ELOVL6: variants seen among roughly 807,000 people sequenced by gnomAD.
ELOVL6 encodes the protein ELOVL fatty acid elongase 6, also known as very long chain fatty acid elongase 6.
Under a neutral mutation model 31.7 loss-of-function variants are expected in ELOVL6, and 8 were observed. The ratio of observed to expected loss-of-function variants is 0.25; its 90% CI spans 0.15 to 0.45. The LOEUF (loss-of-function observed/expected upper bound fraction) is 0.45, where lower values mean the gene tolerates loss of function less well. Ranked by LOEUF, ELOVL6 falls within the 20% of genes least tolerant of loss-of-function variation. The pLI is 1.00. For missense variants in ELOVL6, 126 were observed against 326.4 expected (o/e 0.39, Z 4.73); for synonymous variants, 101 against 117.7 (o/e 0.86, Z 0.92).
intron 2 of ELOVL6, among the ~76,000 whole-genome samples, chr4:110,061,698 A>C (rs1200828875): frequency 6.6e-6 from 1 of 151,760 alleles, no homozygotes; most frequent in Non-Finnish European, 1.5e-5. Context: ...CTGGGACTAC[A>C]GGCATGCACC....
intron 2 of ELOVL6, among the ~76,000 whole-genome samples, chr4:110,098,170 T>C (rs1756643366): frequency 6.6e-6 from 1 of 151,804 alleles, no homozygotes; most frequent in Admixed American, 6.6e-5. Flanking sequence ...TCCAGCAAAA[T>C]ATACACACTT....
intron 2 of ELOVL6, among the ~76,000 whole-genome samples, chr4:110,081,596 G>C (rs1755853640): frequency 6.6e-6 from 1 of 151,192 alleles, no homozygotes; most frequent in South Asian, 2.1e-4. Flanking sequence ...ATTAATTCAA[G>C]ATGGATTAAA....
At chr4:110,124,070 C>A (rs1174144581) in intron 1 of ELOVL6, among the ~76,000 whole-genome samples, 1 of 152,126 alleles carries the variant, frequency 6.6e-6, no homozygotes, top group South Asian at 2.1e-4. Context: ...TTAGAAGGTA[C>A]CACGGTAAAG....
intron 2 of ELOVL6, among the ~76,000 whole-genome samples, chr4:110,088,176 C>T (rs746402146): frequency 2.1e-4 from 32 of 152,166 alleles, no homozygotes; most frequent in Admixed American, 4.6e-4. Flanking sequence ...TGTGCACACA[C>T]AGAGTGTGTT....
chr4:110,060,677 G>A (rs978283757), intron 2 of ELOVL6, among the ~76,000 whole-genome samples: 24 of 152,154 alleles, frequency 1.6e-4, no homozygotes, highest in Non-Finnish European at 2.9e-4. Context: ...AGCCCCTTAA[G>A]TGTATGTCCC....
At chr4:110,066,095 G>A (rs1328021026) in intron 2 of ELOVL6, among the ~76,000 whole-genome samples, 1 of 151,998 alleles carries the variant, frequency 6.6e-6, no homozygotes, top group Non-Finnish European at 1.5e-5. Flanking sequence ...GGTGGGAGTG[G>A]GAAAGGAGTT....
At chr4:110,175,131 C>T (rs1448157818) in intron 1 of ELOVL6, among the ~76,000 whole-genome samples, 1 of 151,976 alleles carries the variant, frequency 6.6e-6, no homozygotes, top group Non-Finnish European at 1.5e-5. Context: ...TGCCTGTAAT[C>T]GCAATACTTT....
intron 1 of ELOVL6, among the ~76,000 whole-genome samples, chr4:110,126,958 T>C (rs2126255869): frequency 6.6e-6 from 1 of 151,566 alleles, no homozygotes; most frequent in Middle Eastern, 3.4e-3. Context: ...AATAAAATAC[T>C]TCTGGCTAAT....
intron 1 of ELOVL6, chr4:110,117,930 CCA>C (rs1393445148): frequency 7.3e-5 from 1 of 13,646 alleles, no homozygotes; most frequent in Non-Finnish European, 1.4e-4. Context: ...ATATATCTCC[CCA>C]GAGAGGAGAA....
intron 1 of ELOVL6, among the ~76,000 whole-genome samples, chr4:110,189,556 T>C (rs1240810924): frequency 8.3e-6 from 1 of 119,966 alleles, no homozygotes; most frequent in Admixed American, 1.2e-4. Context: ...ATCATGCCAC[T>C]GCACTCAGAC....
chr4:110,091,875 C>T (rs1340223709), intron 2 of ELOVL6, among the ~76,000 whole-genome samples: 2 of 152,104 alleles, frequency 1.3e-5, no homozygotes, highest in East Asian at 3.8e-4. Flanking sequence ...GTATTATGCC[C>T]CGGATCAATC....
intron 2 of ELOVL6, among the ~76,000 whole-genome samples, chr4:110,061,427 G>A (rs1312046042): frequency 6.6e-6 from 1 of 151,844 alleles, no homozygotes; most frequent in Non-Finnish European, 1.5e-5. Flanking sequence ...AGTCTTTATA[G>A]TCCATTATCT....
intron 1 of ELOVL6, among the ~76,000 whole-genome samples, chr4:110,166,760 C>G (rs10014941): frequency 1.3e-5 from 2 of 152,110 alleles, no homozygotes; most frequent in Non-Finnish European, 2.9e-5. Context: ...AAGGAAACTC[C>G]GTCTTCCTTT....
intron 1 of ELOVL6, among the ~76,000 whole-genome samples, chr4:110,189,562 CAGACTGGGAGACACAGCA>C (rs1162005010): frequency 2.6e-5 from 3 of 117,198 alleles, no homozygotes; most frequent in African/African-American, 3.4e-5. Context: ...CCACTGCACT[CAGACTGGGAGACACAGCA>C]AGACTCTGTC....
chr4:110,115,167 T>G (rs1179123525), intron 1 of ELOVL6, among the ~76,000 whole-genome samples: 1 of 152,030 alleles, frequency 6.6e-6, no homozygotes, highest in Non-Finnish European at 1.5e-5. Flanking sequence ...AATATAAATT[T>G]TGAAAAGAAA....
rs1289215671 is a variant in ELOVL6 at position 110,162,562 on chromosome 4, T to TC, written c.89+35684dup. Among the ~76,000 whole-genome samples the TC allele has an allele frequency of 4.8e-5, 5 of 103,998 alleles. 1 individual carries two copies. The highest frequency in any genetic ancestry group is 1.1e-4 in the Admixed American group (1 of 9,020). 68.2% of individuals were successfully genotyped at this position (103,998 alleles called of 152,430 possible). A position where few individuals can be genotyped will look rare whatever the true frequency, so the allele number is the denominator to read the frequency against. On this transcript the variant is annotated intron_variant, in intron 1 of 3. Transcript: ENST00000302274. ...TTTTGCTATGTTGCCCAAGCTAGTC[T>TC]CCAACTCCTAGGCTCATGCAATCCC... is the stretch of plus-strand genomic sequence containing the variant.
At chr4:110,158,410 A>G (rs1211986559) in intron 1 of ELOVL6, among the ~76,000 whole-genome samples, 1 of 151,760 alleles carries the variant, frequency 6.6e-6, no homozygotes, top group Non-Finnish European at 1.5e-5. Context: ...CTCTAATCAT[A>G]CTAGGTTTAC....
intron 1 of ELOVL6, among the ~76,000 whole-genome samples, chr4:110,187,185 A>G (rs909107022): frequency 1.3e-4 from 19 of 151,494 alleles, no homozygotes; most frequent in African/African-American, 4.6e-4. Context: ...TCTGAAAATC[A>G]CTCCTTTTCC....
chr4:110,087,804 T>TA (rs57115145), intron 2 of ELOVL6, among the ~76,000 whole-genome samples: 6,263 of 142,524 alleles, frequency 0.044, 351 homozygotes, highest in East Asian at 0.18. Context: ...AATAAAATTG[T>TA]AAAAAAAAAA....
Sources: gnomAD v4.1 joint callset for allele counts (sites outside exome capture counted in the v4.1 genomes callset) on GRCh38, gnomAD v4.1.1 for gene constraint, MANE v1.5 for transcripts, NCBI Gene and HGNC (gene_info 2026-07-23, HGNC 2026-07-21) for gene names.